The following GCHFR variants were observed in gnomAD, a reference collection of about 807,000 sequenced individuals.
GCHFR encodes the protein GTP cyclohydrolase 1 feedback regulatory protein.
Under a neutral mutation model 10.6 loss-of-function variants are expected in GCHFR, and 12 were observed. The observed-to-expected ratio is 1.13, with a 90% CI of 0.72 to 1.83. GCHFR has a LOEUF of 1.83. Among genes scored for constraint, GCHFR ranks in the 40% most tolerant of loss-of-function variants. GCHFR has a pLI of 0.00. For missense variants in GCHFR, 116 were observed against 110.6 expected (o/e 1.05, Z -0.22); for synonymous variants, 54 against 43.7 (o/e 1.24, Z -0.93).
At position 40,767,350 on chromosome 15, in the gene GCHFR, CCTT is replaced by C. The variant is rs768771246; in HGVS notation, c.*4_*6del. The C allele has an allele frequency of 1.9e-6, 3 of 1,594,842 alleles. No individual in the cohort carries two copies. Among genetic ancestry groups the C allele is most frequent in the Non-Finnish European group, 1.7e-6 (2 of 1,171,718 alleles). Reference sequence around the variant, plus strand: ...GGTGTGGTGTCTGCACAAGGAGTGACCTTCTCATGCTGATTTGCAGACGGGGCA... The same window carrying C: ...GGTGTGGTGTCTGCACAAGGAGTGACCTCATGCTGATTTGCAGACGGGGCA... On this transcript the variant is annotated 3_prime_UTR_variant, in exon 3 of 3. Transcript: ENST00000260447.
chr15:40,767,122 TGA>T, intron 2 of GCHFR, 102 bp from the exon 3 acceptor site: 1 of 1,224,920 alleles, frequency 8.2e-7, no homozygotes, highest in East Asian at 2.8e-5. Flanking sequence ...CCAGCAAGTG[TGA>T]GTCACTACAA....
chr15:40,766,027 C>T, intron 2 of GCHFR, 106 bp downstream of exon 2: 1 of 501,466 alleles, frequency 2.0e-6, no homozygotes, highest in East Asian at 3.4e-5. Flanking sequence ...GCATCAGAGC[C>T]CCCTGCCTGC....
chr15:40,766,952 G>C (rs375047328), intron 2 of GCHFR: 1 of 263,332 alleles, frequency 3.8e-6, no homozygotes, highest in Non-Finnish European at 7.1e-6. Flanking sequence ...CATCTGGGAC[G>C]CTGGGGAACC....
rs1474862203 is a variant in GCHFR at position 40,767,614 on chromosome 15, G to C, written c.*265G>C. On this transcript the variant is annotated 3_prime_UTR_variant, in exon 3 of 3. Transcript: ENST00000260447. ...GGGCCTTGTGTAGGCCATGTTCCTC[G>C]GGCAGCTGCCCCGGGCCGGAGCTGG... 3 of 581,212 alleles carry C rather than the reference G, an allele frequency of 5.2e-6. No individual in the cohort carries two copies. The highest frequency in any genetic ancestry group is 2.4e-5 in the South Asian group (1 of 41,170). The allele number at this position is 581,212 out of a possible 1,614,324, so 36.0% of individuals were successfully genotyped here.
At chr15:40,765,487 A>C (rs1888927273) in intron 1 of GCHFR, 1 of 181,498 alleles carries the variant, frequency 5.5e-6, no homozygotes, top group Non-Finnish European at 1.1e-5. Context: ...CCCAGGCTGG[A>C]GTGCAGTGGT....
Position 40,767,416 on chromosome 15 carries a change from G to C in GCHFR, c.*67G>C. 1 of 1,491,544 alleles carries C rather than the reference G, an allele frequency of 6.7e-7. No individual in the cohort carries two copies. Among genetic ancestry groups the C allele is most frequent in the African/African-American group, 1.5e-5 (1 of 68,648 alleles). The allele number at this position is 1,491,544 out of a possible 1,614,324, so 92.4% of individuals were successfully genotyped here. On this transcript the variant is annotated 3_prime_UTR_variant, in exon 3 of 3. Coordinates refer to ENST00000260447, the MANE Select transcript of GCHFR (RefSeq NM_005258.3). ...GGCTGCTGTGGGCCCTGACCTCCAA[G>C]CTCCTGCCTCACCGTCTGCCTTGCT...
chr15:40,767,306 C>CG lies in GCHFR; in HGVS notation c.217dup (p.Val73GlyfsTer18). On this transcript the variant is annotated frameshift_variant, in exon 3 of 3. Transcript: ENST00000260447. LOFTEE classifies it high-confidence loss of function. ...AGGGGCTTCCGTGTGCTGAGCATGA[C>CG]GGGGGTGGGCCAGACGCTGGTGTGG... 6.2e-7 allele frequency: 1 copy of CG among 1,603,802 alleles called. No homozygotes were observed. The highest frequency in any genetic ancestry group is 8.5e-7 in the Non-Finnish European group (1 of 1,175,606).
Position 40,767,368 on chromosome 15 carries a change from C to A in GCHFR, c.*19C>A. 1.3e-6 allele frequency: 2 copies of A among 1,590,022 alleles called. No individual in the cohort carries two copies. The highest frequency in any genetic ancestry group is 1.7e-6 in the Non-Finnish European group (2 of 1,169,048). ...GGAGTGACCTTCTCATGCTGATTTG[C>A]AGACGGGGCACCCCTGTGGAGGGGC... On this transcript the variant is annotated 3_prime_UTR_variant, in exon 3 of 3. Coordinates refer to ENST00000260447, the MANE Select transcript of GCHFR (RefSeq NM_005258.3).
At chr15:40,765,662 C>A in intron 1 of GCHFR, 165 bp from the exon 2 acceptor site, 1 of 411,488 alleles carries the variant, frequency 2.4e-6, no homozygotes. Context: ...CATTGATGGG[C>A]TCCACCCCTT....
chr15:40,764,204 C>T lies in GCHFR; in HGVS notation c.24C>T (p.Thr8=). The change falls in exon 1 of 3, where the codon ACC becomes ACT. Residue 8 remains threonine (T), a synonymous_variant. Transcript: ENST00000260447. The part of the protein sequence containing the change: MPYLLIS[T]QIRMEVGPTM... Reference sequence around the variant, plus strand: ...CCATGCCCTACCTGCTCATCAGCACCCAGATCCGCATGGTGAGTACCGGCC... The same window carrying T: ...CCATGCCCTACCTGCTCATCAGCACTCAGATCCGCATGGTGAGTACCGGCC... The T allele has an allele frequency of 1.3e-6, 2 of 1,559,564 alleles. No homozygotes were observed. The highest frequency in any genetic ancestry group is 1.7e-6 in the Non-Finnish European group (2 of 1,152,786).
chr15:40,767,328 G>A lies in GCHFR; in HGVS notation c.234G>A (p.Val78=), dbSNP rs775737051. 7 of 1,602,110 alleles carry A rather than the reference G, an allele frequency of 4.4e-6. No homozygotes were observed. The Admixed American group carries it at 1.2e-4, about 28-fold the overall frequency. Residue 78 remains valine, a synonymous_variant, in exon 3 of 3, where the codon GTG becomes GTA. Coordinates refer to ENST00000260447, the MANE Select transcript of GCHFR (RefSeq NM_005258.3). ...LSMTGVGQTL[V]WCLHKE ...TGACGGGGGTGGGCCAGACGCTGGTGTGGTGTCTGCACAAGGAGTGACCTT... is the reference window on the plus strand; with the variant it reads ...TGACGGGGGTGGGCCAGACGCTGGTATGGTGTCTGCACAAGGAGTGACCTT...
In GCHFR at chr15:40,767,268, C is replaced by T. The variant is rs1022115463; in HGVS notation, c.174C>T (p.Asp58=). 1.2e-6 allele frequency: 2 copies of T among 1,604,302 alleles called. No homozygotes were observed. Among genetic ancestry groups the T allele is most frequent in the African/African-American group, 2.7e-5 (2 of 74,290 alleles). The part of the protein sequence containing the change: ...YVDDPPRIVL[D]KLERRGFRVL... ...ATGACCCTCCCCGCATAGTCCTGGA[C>T]AAGCTGGAACGCAGGGGCTTCCGTG... Residue 58 remains aspartate (D), a synonymous_variant, in exon 3 of 3, where the codon GAC becomes GAT. Coordinates refer to ENST00000260447, the MANE Select transcript of GCHFR (RefSeq NM_005258.3).
intron 1 of GCHFR, 126 bp from the exon 2 acceptor site, chr15:40,765,701 C>G (rs1346790861): frequency 1.1e-5 from 5 of 451,608 alleles, no homozygotes; most frequent in Admixed American, 8.0e-5. Context: ...CCTAAGAATC[C>G]TTGCTACTCT....
At position 40,765,862 on chromosome 15, in the gene GCHFR, G is replaced by T. The variant is rs1485864650; in HGVS notation, c.72G>T (p.Ser24=). 1.3e-5 allele frequency: 20 copies of T among 1,584,712 alleles called. No homozygotes were observed. The highest frequency in any genetic ancestry group is 1.6e-5 in the Non-Finnish European group (19 of 1,160,938). The change falls in exon 2 of 3, where the codon TCG becomes TCT. Residue 24 remains serine, a synonymous_variant. Coordinates refer to ENST00000260447, the MANE Select transcript of GCHFR (RefSeq NM_005258.3). ...VGPTMVGDEQ[S]DPELMQHLGA... Reference sequence around the variant, plus strand: ...CCACTATGGTGGGCGATGAACAGTCGGATCCAGAGCTGATGCAGCATCTGG... The same window carrying T: ...CCACTATGGTGGGCGATGAACAGTCTGATCCAGAGCTGATGCAGCATCTGG...
chr15:40,767,557 C>T lies in GCHFR; in HGVS notation c.*208C>T. 13 of 623,196 alleles carry T rather than the reference C, an allele frequency of 2.1e-5. No individual in the cohort carries two copies. The highest frequency in any genetic ancestry group is 2.9e-5 in the Non-Finnish European group (11 of 382,704). 38.6% of individuals were successfully genotyped at this position (623,196 alleles called of 1,614,324 possible). A position where few individuals can be genotyped will look rare whatever the true frequency, so the allele number is the denominator to read the frequency against. On this transcript the variant is annotated 3_prime_UTR_variant, in exon 3 of 3. Transcript: ENST00000260447. ...GGCAGTGCCCGGTGCCCTGGTGCTC[C>T]CAGCTGCCCTCCTGCTTCGGGCCTG...
chr15:40,766,158 G>C (rs1888944560), intron 2 of GCHFR: 1 of 357,442 alleles, frequency 2.8e-6, no homozygotes, highest in African/African-American at 2.1e-5. Flanking sequence ...CGCAGAAACA[G>C]AGTCCGTTCC....
chr15:40,767,201 C>G lies in GCHFR; in HGVS notation c.132-25C>G, dbSNP rs761724887. On this transcript the variant is annotated intron_variant, in intron 2 of 2. Transcript: ENST00000260447. Reference sequence around the variant, plus strand: ...GGAGCTTGCTGTGTGCCCCTCCTCACCCCCCCCATCCTGTCTCTTTGCAGT... The same window carrying G: ...GGAGCTTGCTGTGTGCCCCTCCTCAGCCCCCCCATCCTGTCTCTTTGCAGT... 7.9e-5 allele frequency: 113 copies of G among 1,437,996 alleles called. 1 individual carries two copies. Among genetic ancestry groups the G allele is most frequent in the Non-Finnish European group, 1.0e-4 (110 of 1,093,918 alleles). 89.1% of individuals were successfully genotyped at this position (1,437,996 alleles called of 1,614,324 possible). A position where few individuals can be genotyped will look rare whatever the true frequency, so the allele number is the denominator to read the frequency against.
chr15:40,764,100 T>C lies in GCHFR; in HGVS notation c.-81T>C. On this transcript the variant is annotated 5_prime_UTR_variant, in exon 1 of 3. Coordinates refer to ENST00000260447, the MANE Select transcript of GCHFR (RefSeq NM_005258.3). ...GAGTAACGGGACTCCCAGCTGCGCG[T>C]CGCAGTCCCGACGCGAGAAGGGCTG... 1 of 1,374,258 alleles carries C rather than the reference T, an allele frequency of 7.3e-7. No individual in the cohort carries two copies. The highest frequency in any genetic ancestry group is 1.3e-5 in the South Asian group (1 of 78,724). The allele number at this position is 1,374,258 out of a possible 1,614,324, so 85.1% of individuals were successfully genotyped here.
At chr15:40,766,109 G>A (rs569757369) in intron 2 of GCHFR, 188 bp downstream of exon 2, 29 of 428,570 alleles carry the variant, frequency 6.8e-5, no homozygotes, top group Non-Finnish European at 1.1e-4. Context: ...TCTCCCCCAC[G>A]AGGCTTGCTC....
Sources: allele counts gnomAD v4.1 joint callset, GRCh38; gene constraint gnomAD v4.1.1; transcripts MANE v1.5; gene names NCBI Gene and HGNC (gene_info 2026-07-23, HGNC 2026-07-21).